CAMKMT: variants seen among roughly 807,000 people sequenced by gnomAD.
The protein encoded by CAMKMT is CaM KMT.
A neutral mutation model predicts 48.0 loss-of-function variants in CAMKMT; 53 were observed. The ratio of observed to expected loss-of-function variants is 1.10; its 90% confidence interval spans 0.89 to 1.39. The LOEUF (loss-of-function observed/expected upper bound fraction) is 1.39, where lower values mean the gene tolerates loss of function less well. Ranked by LOEUF, CAMKMT falls within the 40% of genes most tolerant of loss-of-function variation. The probability of loss-of-function intolerance (pLI) is 0.00; values close to 1 mark genes in which losing one functional copy is unlikely to be tolerated. For missense variants in CAMKMT, 428 were observed against 402.7 expected (o/e 1.06, Z -0.54); for synonymous variants, 165 against 152.3 (o/e 1.08, Z -0.61).
At chr2:44,494,433 G>C (rs966862279) in intron 3 of CAMKMT, among the ~76,000 whole-genome samples, 2 of 151,992 alleles carry the variant, frequency 1.3e-5, no homozygotes, top group Non-Finnish European at 2.9e-5. Context: ...CTCTGTTTAC[G>C]TACAAAAATG....
intron 7 of CAMKMT, among the ~76,000 whole-genome samples, chr2:44,730,443 G>A (rs1404132965): frequency 6.6e-6 from 1 of 152,166 alleles, no homozygotes; most frequent in Non-Finnish European, 1.5e-5. Flanking sequence ...TCCTTTTGAC[G>A]ATTATGATTT....
At chr2:44,753,432 C>T (rs1680239075) in intron 8 of CAMKMT, among the ~76,000 whole-genome samples, 1 of 149,082 alleles carries the variant, frequency 6.7e-6, no homozygotes, top group Non-Finnish European at 1.5e-5. Context: ...AGAAAGAAAA[C>T]AAAGAAAAGA....
intron 3 of CAMKMT, among the ~76,000 whole-genome samples, chr2:44,395,756 A>G (rs1681775929): frequency 6.6e-6 from 1 of 152,142 alleles, no homozygotes; most frequent in Admixed American, 6.6e-5. Context: ...ATGGTTAGTA[A>G]TATCATCTGC....
At chr2:44,701,041 T>C (rs761699931) in intron 3 of CAMKMT, among the ~76,000 whole-genome samples, 29 of 152,346 alleles carry the variant, frequency 1.9e-4, no homozygotes, top group Non-Finnish European at 2.4e-4. Context: ...CGTTAGTCAG[T>C]TGATGGACAT....
chr2:44,620,130 T>C (rs1672096194), intron 3 of CAMKMT, among the ~76,000 whole-genome samples: 1 of 152,216 alleles, frequency 6.6e-6, no homozygotes, highest in South Asian at 2.1e-4. Flanking sequence ...CAATAATTTC[T>C]TAATATAATT....
At chr2:44,540,734 C>T (rs1405808051) in intron 3 of CAMKMT, among the ~76,000 whole-genome samples, 1 of 152,244 alleles carries the variant, frequency 6.6e-6, no homozygotes, top group African/African-American at 2.4e-5. Context: ...CTGGGCAACA[C>T]AGCAAGACCC....
At chr2:44,644,823 T>C (rs1435519320) in intron 3 of CAMKMT, among the ~76,000 whole-genome samples, 1 of 152,210 alleles carries the variant, frequency 6.6e-6, no homozygotes, top group Admixed American at 6.5e-5. Context: ...CAACTTTATA[T>C]TGAGCTTCAT....
At chr2:44,672,317 G>A (rs1573040671) in intron 3 of CAMKMT, among the ~76,000 whole-genome samples, 1 of 152,196 alleles carries the variant, frequency 6.6e-6, no homozygotes, top group East Asian at 1.9e-4. Flanking sequence ...CAAACTGAAT[G>A]CGGCTCACAA....
intron 3 of CAMKMT, among the ~76,000 whole-genome samples, chr2:44,650,627 CT>C (rs1311513667): frequency 6.6e-6 from 1 of 152,084 alleles, no homozygotes; most frequent in Non-Finnish European, 1.5e-5. Context: ...TGAAAGATTA[CT>C]TGATAAACCA....
At chr2:44,665,663 A>G (rs1434809276) in intron 3 of CAMKMT, among the ~76,000 whole-genome samples, 1 of 152,170 alleles carries the variant, frequency 6.6e-6, no homozygotes, top group Non-Finnish European at 1.5e-5. Flanking sequence ...TATATGCCCT[A>G]TAAGCATACC....
intron 3 of CAMKMT, among the ~76,000 whole-genome samples, chr2:44,687,927 A>G (rs886158477): frequency 3.3e-5 from 5 of 152,246 alleles, no homozygotes; most frequent in Admixed American, 6.5e-5. Context: ...TTAGCACATT[A>G]TTGCTTAACT....
At chr2:44,533,064 TC>T (rs1666577618) in intron 3 of CAMKMT, among the ~76,000 whole-genome samples, 1 of 151,900 alleles carries the variant, frequency 6.6e-6, no homozygotes, top group South Asian at 2.1e-4. Context: ...TTCACCCACT[TC>T]CACCTCCCAA....
intron 3 of CAMKMT, among the ~76,000 whole-genome samples, chr2:44,467,798 C>T (rs745793463): frequency 6.6e-6 from 1 of 151,988 alleles, no homozygotes; most frequent in Non-Finnish European, 1.5e-5. Flanking sequence ...AACTGGATAT[C>T]CATATGTAGA....
intron 3 of CAMKMT, among the ~76,000 whole-genome samples, chr2:44,578,895 C>T (rs1227991762): frequency 6.6e-6 from 1 of 152,156 alleles, no homozygotes; most frequent in African/African-American, 2.4e-5. Flanking sequence ...CATCTTAACT[C>T]CTCAGCTCTG....
At chr2:44,443,610 C>T (rs965607108) in intron 3 of CAMKMT, among the ~76,000 whole-genome samples, 1 of 152,000 alleles carries the variant, frequency 6.6e-6, no homozygotes, top group Non-Finnish European at 1.5e-5. Context: ...GTTTAGTCAC[C>T]ACAGTTGAAA....
intron 8 of CAMKMT, among the ~76,000 whole-genome samples, chr2:44,748,710 A>C (rs957379308): frequency 5.9e-5 from 9 of 151,898 alleles, no homozygotes; most frequent in African/African-American, 2.2e-4. Flanking sequence ...ATCTCTACTA[A>C]AAATAATAAA....
chr2:44,712,211 A>G (rs2104294227), intron 6 of CAMKMT, among the ~76,000 whole-genome samples: 1 of 152,232 alleles, frequency 6.6e-6, no homozygotes, highest in South Asian at 2.1e-4. Context: ...TTTATATTAT[A>G]ATCTCATAGT....
At chr2:44,738,362 T>G (rs1370151417) in intron 7 of CAMKMT, among the ~76,000 whole-genome samples, 2 of 152,270 alleles carry the variant, frequency 1.3e-5, no homozygotes, top group African/African-American at 4.8e-5. Context: ...TTTCTGTTGT[T>G]GTTTTAGACA....
rs1572913687 is a variant in CAMKMT at position 44,456,723 on chromosome 2, A to C, written c.376+66418A>C. The C allele has an allele frequency of 3.3e-6, 3 of 922,000 alleles. No homozygotes were observed. The East Asian group carries it at 8.6e-5, about 26-fold the overall frequency. The allele number at this position is 922,000 out of a possible 1,614,324, so 57.1% of individuals were successfully genotyped here. A position where few individuals can be genotyped will look rare whatever the true frequency, so the allele number is the denominator to read the frequency against. ...GCTTGTCTTCATGATCTTCATTACA[A>C]TCATAGCAGAAATCCTCATGCTAAA... is the stretch of plus-strand genomic sequence containing the variant. On this transcript the variant is annotated intron_variant, in intron 3 of 10. Coordinates refer to ENST00000378494, the MANE Select transcript of CAMKMT (RefSeq NM_024766.5).
Sources: allele counts gnomAD v4.1 joint callset (sites outside exome capture counted in the v4.1 genomes callset), GRCh38; gene constraint gnomAD v4.1.1; transcripts MANE v1.5; gene names NCBI Gene and HGNC (gene_info 2026-07-23, HGNC 2026-07-21).